Variants in SULF2 observed in about 807,000 individuals in gnomAD.
SULF2 encodes sulfatase 2.
In SULF2, 52 loss-of-function variants were observed where a neutral mutation model predicts 107.7. The observed-to-expected ratio is 0.48, with a 90% CI of 0.39 to 0.61. SULF2 has a LOEUF of 0.61. SULF2 is among the 20% of genes least tolerant of loss of function. The pLI, the probability that SULF2 is intolerant of heterozygous loss-of-function variation, is 0.00. For missense variants in SULF2, 993 were observed against 1,177.3 expected (o/e 0.84, Z 2.29); for synonymous variants, 460 against 464.3 (o/e 0.99, Z 0.12).
At chr20:47,785,125 C>G (rs11908112) in intron 1 of SULF2, among the ~76,000 whole-genome samples, 85 of 152,064 alleles carry the variant, frequency 5.6e-4, no homozygotes, top group African/African-American at 1.9e-3. Context: ...AACAGGTCAT[C>G]CCTCTGCGGA....
intron 3 of SULF2, among the ~76,000 whole-genome samples, chr20:47,722,898 T>G (rs933814245): frequency 2.0e-5 from 3 of 152,140 alleles, no homozygotes; most frequent in African/African-American, 7.2e-5. Context: ...AAACCCCATC[T>G]CTACCAAAAA....
chr20:47,688,295 G>A (rs2088082191), intron 5 of SULF2, among the ~76,000 whole-genome samples: 1 of 152,234 alleles, frequency 6.6e-6, no homozygotes, highest in Middle Eastern at 3.4e-3. Flanking sequence ...TTTCGGAAAT[G>A]ATTATACTCC....
In SULF2 at chr20:47,785,451, T is replaced by TGCCGCCGCCGCCGCC. The variant is rs1224331666; in HGVS notation, c.-224_-210dup. ...GGGGACTCCGCGCCGCCGCTGCCGC[T>TGCCGCCGCCGCCGCC]GCCGCCGCCGCCGCCGCCGCTGCCG... is the stretch of plus-strand genomic sequence containing the variant. On this transcript the variant is annotated 5_prime_UTR_variant, in exon 1 of 21. Coordinates refer to ENST00000688720, the MANE Select transcript of SULF2 (RefSeq NM_001387048.1). The TGCCGCCGCCGCCGCC allele has an allele frequency of 2.0e-5, 3 of 146,566 alleles. No individual in the cohort carries two copies. The highest frequency in any genetic ancestry group is 2.8e-5 in the Non-Finnish European group (2 of 72,520). The allele number at this position is 146,566 out of a possible 1,614,324, so 9.1% of individuals were successfully genotyped here. A position where few individuals can be genotyped will look rare whatever the true frequency, so the allele number is the denominator to read the frequency against.
At chr20:47,693,137 T>A (rs886091728) in intron 4 of SULF2, among the ~76,000 whole-genome samples, 1 of 152,212 alleles carries the variant, frequency 6.6e-6, no homozygotes, top group Non-Finnish European at 1.5e-5. Flanking sequence ...TACATAAAAA[T>A]AATATATGTT....
chr20:47,739,455 C>T (rs2146803446), intron 2 of SULF2, among the ~76,000 whole-genome samples: 1 of 152,308 alleles, frequency 6.6e-6, no homozygotes, highest in African/African-American at 2.4e-5. Flanking sequence ...CTCCTGGCCC[C>T]TGCCTCAGCC....
chr20:47,727,470 C>T (rs2089475472), intron 3 of SULF2, among the ~76,000 whole-genome samples: 1 of 152,158 alleles, frequency 6.6e-6, no homozygotes. Context: ...GGGGTTCTGG[C>T]TCCCGGAACT....
chr20:47,729,305 G>A (rs535550425), intron 3 of SULF2, among the ~76,000 whole-genome samples: 6 of 152,258 alleles, frequency 3.9e-5, no homozygotes, highest in Admixed American at 2.6e-4. Context: ...GGTGGCTGTC[G>A]GGGCCTCTAC....
intron 3 of SULF2, among the ~76,000 whole-genome samples, chr20:47,712,324 T>G (rs2088960324): frequency 6.6e-6 from 1 of 152,172 alleles, no homozygotes; most frequent in Admixed American, 6.5e-5. Context: ...CCACCGAGCA[T>G]TGGCACCTGC....
At chr20:47,766,087 C>G (rs1010472438) in intron 1 of SULF2, among the ~76,000 whole-genome samples, 2 of 152,142 alleles carry the variant, frequency 1.3e-5, no homozygotes, top group Non-Finnish European at 2.9e-5. Context: ...GCAGAGGAAA[C>G]AGAGAGAGGC....
In SULF2 at chr20:47,657,524, C is replaced by T. The variant is rs886205746; in HGVS notation, c.*838G>A. Reference sequence around the variant, plus strand: ...AACTACAAAATTTTTTTTACAAATACAGTTTCATCAAAACTTGGGACATAC... The same window carrying T: ...AACTACAAAATTTTTTTTACAAATATAGTTTCATCAAAACTTGGGACATAC... On this transcript the variant is annotated 3_prime_UTR_variant, in exon 21 of 21. Transcript: ENST00000688720. 1 of 152,076 alleles carries T rather than the reference C, an allele frequency of 6.6e-6. No homozygotes were observed. The highest frequency in any genetic ancestry group is 1.5e-5 in the Non-Finnish European group (1 of 68,018). The allele number at this position is 152,076 out of a possible 1,614,324, so 9.4% of individuals were successfully genotyped here. A position where few individuals can be genotyped will look rare whatever the true frequency, so the allele number is the denominator to read the frequency against.
Position 47,678,954 on chromosome 20 carries a change from A to G in SULF2, c.1065-150T>C, listed in dbSNP as rs1358810280. The stretch of plus-strand genomic sequence containing the variant: ...TGCAGTCTGGCACCTCAACCTCAGC[A>G]GCTCCCCTCTGCGGCCCAGATTCAG... On this transcript the variant is annotated intron_variant, in intron 7 of 20. Coordinates refer to ENST00000688720, the MANE Select transcript of SULF2 (RefSeq NM_001387048.1). The surrounding 1 kb of genome is among the most constrained non-coding windows in gnomAD (Gnocchi z 4.5). 2.9e-6 allele frequency: 2 copies of G among 678,408 alleles called. No individual in the cohort carries two copies. 42.0% of individuals were successfully genotyped at this position (678,408 alleles called of 1,614,324 possible). A position where few individuals can be genotyped will look rare whatever the true frequency, so the allele number is the denominator to read the frequency against.
At chr20:47,735,748 A>C (rs1430485680) in intron 3 of SULF2, among the ~76,000 whole-genome samples, 5 of 152,312 alleles carry the variant, frequency 3.3e-5, no homozygotes, top group South Asian at 2.1e-4. Context: ...GACACACCTT[A>C]CTGGCTTGCT....
In SULF2 at chr20:47,666,114, G is replaced by A. The variant is rs574999938; in HGVS notation, c.1805+146C>T. ...GATGTGTCACTTTAATGGGGTTGGC[G>A]GCTGAATAGTCGGGAAGGCCTCCAG... On this transcript the variant is annotated intron_variant, in intron 12 of 20. Transcript: ENST00000688720. This position sits in a 1 kb window ranked among gnomAD's most constrained non-coding sequence, Gnocchi z 5.4. 25 of 1,612,558 alleles carry A rather than the reference G, an allele frequency of 1.6e-5. No homozygotes were observed. In the East Asian group the frequency reaches 3.8e-4, roughly 24 times the overall value.
At chr20:47,667,159 A>G (rs2087303339) in intron 11 of SULF2, among the ~76,000 whole-genome samples, 1 of 152,228 alleles carries the variant, frequency 6.6e-6, no homozygotes, top group Non-Finnish European at 1.5e-5. Context: ...TTAAAAAGGA[A>G]AAAAAGTATC....
chr20:47,695,867 C>G lies in SULF2; in HGVS notation c.568-5572G>C, dbSNP rs2088358740. Among the ~76,000 whole-genome samples the G allele has an allele frequency of 4.6e-5, 7 of 152,344 alleles. No individual in the cohort carries two copies. The South Asian group carries it at 1.4e-3, about 32-fold the overall frequency. ...GCCTCAAGTGATCCGCCTGGTTTGG[C>G]CTCCCAAAGTGCTGGGATTACAGGC... On this transcript the variant is annotated intron_variant, in intron 4 of 20. Coordinates refer to ENST00000688720, the MANE Select transcript of SULF2 (RefSeq NM_001387048.1).
intron 3 of SULF2, among the ~76,000 whole-genome samples, chr20:47,724,142 G>A (rs2089371503): frequency 6.6e-6 from 1 of 152,236 alleles, no homozygotes. Flanking sequence ...CAGCCCTGGC[G>A]AGGAGATGCC....
At position 47,694,126 on chromosome 20, in the gene SULF2, C is replaced by A. The variant is rs907823081; in HGVS notation, c.568-3831G>T. Among the ~76,000 whole-genome samples, 1 of 152,258 alleles carries A rather than the reference C, an allele frequency of 6.6e-6. No individual in the cohort carries two copies. The highest frequency in any genetic ancestry group is 1.5e-5 in the Non-Finnish European group (1 of 68,048). On this transcript the variant is annotated intron_variant, in intron 4 of 20. Coordinates refer to ENST00000688720, the MANE Select transcript of SULF2 (RefSeq NM_001387048.1). This position sits in a 1 kb window ranked among gnomAD's most constrained non-coding sequence, Gnocchi z 4.4. Reference sequence around the variant, plus strand: ...GCTGCCACCCTGCTCCACCAGTGGGCAGTTAGTGCCAGGCCAGCCAACAAG... The same window carrying A: ...GCTGCCACCCTGCTCCACCAGTGGGAAGTTAGTGCCAGGCCAGCCAACAAG...
intron 1 of SULF2, among the ~76,000 whole-genome samples, chr20:47,764,917 G>T (rs375353730): frequency 1.3e-5 from 2 of 152,198 alleles, no homozygotes; most frequent in African/African-American, 4.8e-5. Flanking sequence ...CACCTTGTGA[G>T]TTGGGATGCT....
chr20:47,658,188 C>T lies in SULF2; in HGVS notation c.*174G>A, dbSNP rs1436463686. 1.5e-6 allele frequency: 1 copy of T among 674,520 alleles called. No individual in the cohort carries two copies. The highest frequency in any genetic ancestry group is 1.8e-5 in the South Asian group (1 of 55,624). The allele number at this position is 674,520 out of a possible 1,614,324, so 41.8% of individuals were successfully genotyped here. On this transcript the variant is annotated 3_prime_UTR_variant, in exon 21 of 21. Transcript: ENST00000688720. ...AAAAATGGACTTCCTGAAGTTATCT[C>T]TGCTCCTGCTGGTTATCCTCCAGAA...
Sources: gnomAD v4.1 joint callset for allele counts (sites outside exome capture counted in the v4.1 genomes callset) on GRCh38, gnomAD v4.1.1 for gene constraint, Gnocchi (gnomAD v3.1) non-coding constraint, MANE v1.5 for transcripts, NCBI Gene and HGNC (gene_info 2026-07-23, HGNC 2026-07-21) for gene names.